Variants in PPAT observed in about 807,000 individuals in gnomAD.
PPAT encodes amidophosphoribosyltransferase.
PPAT carries 20 observed loss-of-function variants against 60.2 expected under a neutral mutation model. The ratio of observed to expected loss-of-function variants is 0.33; its 90% CI spans 0.23 to 0.48. The LOEUF (loss-of-function observed/expected upper bound fraction) is 0.48. Ranked by LOEUF, PPAT falls within the 20% of genes least tolerant of loss-of-function variation. The pLI is 0.99. For synonymous variants in PPAT, 194 were observed against 215.1 expected (o/e 0.90, Z 0.86); for missense variants, 349 against 629.6 (o/e 0.55, Z 4.77).
Position 56,399,356 on chromosome 4 carries a change from T to C in PPAT, c.1059A>G (p.Val353=). Residue 353 remains valine (V), a synonymous_variant, in exon 9 of 11, where the codon GTA becomes GTG. Coordinates refer to ENST00000264220, the MANE Select transcript of PPAT (RefSeq NM_002703.5). ...YVEVLCKNRY[V]GRTFIQPNMR... is the part of the protein sequence containing the mutation. ...TGTTTGGCTGAATGAAGGTTCTCCC[T>C]ACATACCGGTTTTTACACAGCACCT... 1.2e-6 allele frequency: 2 copies of C among 1,613,994 alleles called. No individual in the cohort carries two copies. The highest frequency in any genetic ancestry group is 4.5e-5 in the East Asian group (2 of 44,852).
intron 2 of PPAT, among the ~76,000 whole-genome samples, 165 bp downstream of exon 2, chr4:56,407,485 A>C (rs939989473): frequency 6.6e-6 from 1 of 151,842 alleles, no homozygotes; most frequent in Non-Finnish European, 1.5e-5. Flanking sequence ...CGCCTGGCTA[A>C]TTTTGTATTT....
chr4:56,407,963 C>A (rs1327400298), intron 1 of PPAT: 4 of 388,318 alleles, frequency 1.0e-5, no homozygotes, highest in Non-Finnish European at 1.9e-5. Context: ...TCTGTCCTAG[C>A]ATTTTACGTT....
intron 1 of PPAT, 58 bp downstream of exon 1, chr4:56,435,292 G>C: frequency 6.2e-7 from 1 of 1,605,268 alleles, no homozygotes; most frequent in Non-Finnish European, 8.5e-7. Flanking sequence ...GCCGACTGCG[G>C]GAAGCGGCTC....
intron 1 of PPAT, chr4:56,421,681 A>C (rs1717045015): frequency 6.6e-6 from 1 of 152,254 alleles, no homozygotes; most frequent in South Asian, 2.1e-4. Context: ...AGAAATCTCA[A>C]AATATTTCGC....
At chr4:56,407,915 T>C (rs937439560) in intron 1 of PPAT, among the ~76,000 whole-genome samples, 199 bp from the exon 2 acceptor site, 6 of 152,184 alleles carry the variant, frequency 3.9e-5, no homozygotes, top group Non-Finnish European at 7.3e-5. Flanking sequence ...ATGTAACAAT[T>C]AGATATCTCA....
chr4:56,402,840 AAAAAAAAAG>A (rs1390609844), intron 5 of PPAT, among the ~76,000 whole-genome samples, 191 bp downstream of exon 5: 3,405 of 119,678 alleles, frequency 0.028, 270 homozygotes, highest in African/African-American at 0.1. Context: ...AAAAAAAAAA[AAAAAAAAAG>A]GGGGGGGACT....
At chr4:56,414,989 T>TAA (rs1560644203) in intron 1 of PPAT, among the ~76,000 whole-genome samples, 1 of 152,232 alleles carries the variant, frequency 6.6e-6, no homozygotes, top group Non-Finnish European at 1.5e-5. Context: ...TGATGTGCTT[T>TAA]TGTACTTATG....
chr4:56,418,310 CTTATT>C (rs887545162), intron 1 of PPAT, among the ~76,000 whole-genome samples: 18 of 152,052 alleles, frequency 1.2e-4, no homozygotes, highest in African/African-American at 1.9e-4. Flanking sequence ...TTTTAAAAAA[CTTATT>C]TTATTTTATT....
chr4:56,400,887 T>C lies in PPAT; in HGVS notation c.911A>G (p.Tyr304Cys). 2 of 1,612,550 alleles carry C rather than the reference T, an allele frequency of 1.2e-6. No individual in the cohort carries two copies. The highest frequency in any genetic ancestry group is 1.7e-6 in the Non-Finnish European group (2 of 1,178,570). ...FEDQMVYTVR[Y>C]RCGQQLAIEA... ...AATCGCTAGCTGCTGGCCACAACGG[T>C]ATCTTACTGTATAAACCATTTGGTC... Residue 304 changes from tyrosine (Y) to cysteine (C), a missense_variant, in exon 8 of 11, where the codon TAC (tyrosine) becomes TGC (cysteine). Tyr to Cys is a radical substitution (Grantham distance 194, BLOSUM62 -2). Around this residue, in one of 5 missense-constraint regions of PPAT, gnomAD observed 167 missense variants for 328.6 expected, o/e 0.51. Coordinates refer to ENST00000264220, the MANE Select transcript of PPAT (RefSeq NM_002703.5).
At chr4:56,428,929 TTTTA>T in intron 1 of PPAT, 1 of 911,722 alleles carries the variant, frequency 1.1e-6, no homozygotes, top group South Asian at 5.1e-5. Flanking sequence ...TTTCCTGTGT[TTTTA>T]TTTAAGAATT....
intron 7 of PPAT, 133 bp downstream of exon 7, chr4:56,401,197 T>G (rs964566544): frequency 2.0e-5 from 18 of 899,928 alleles, no homozygotes; most frequent in Non-Finnish European, 2.8e-5. Context: ...ACTTGTGGGC[T>G]CAGTCCTATA....
At chr4:56,413,505 C>A (rs1036986763) in intron 1 of PPAT, among the ~76,000 whole-genome samples, 2 of 152,152 alleles carry the variant, frequency 1.3e-5, no homozygotes, top group Non-Finnish European at 2.9e-5. Context: ...AATAACTGTA[C>A]TTCACTAGCC....
chr4:56,406,821 G>A, intron 2 of PPAT, 120 bp from the exon 3 acceptor site: 1 of 709,864 alleles, frequency 1.4e-6, no homozygotes, highest in Non-Finnish European at 2.3e-6. Flanking sequence ...ATATCTCTGT[G>A]TTTCAGAATT....
rs1427963013 is a variant in PPAT, at chr4:56,394,599, C to T, written c.*753G>A. 1.3e-5 allele frequency: 2 copies of T among 152,086 alleles called. No individual in the cohort carries two copies. Among genetic ancestry groups the T allele is most frequent in the Admixed American group, 6.6e-5 (1 of 15,252 alleles). The allele number at this position is 152,086 out of a possible 1,614,324, so 9.4% of individuals were successfully genotyped here. A position where few individuals can be genotyped will look rare whatever the true frequency, so the allele number is the denominator to read the frequency against. ...AACTTTTTCACAGATTTTTACAACC[C>T]TTTTTAGGACATCTCAAAGAGAGAT... On this transcript the variant is annotated 3_prime_UTR_variant, in exon 11 of 11. Transcript: ENST00000264220.
chr4:56,419,634 G>A (rs2110056631), intron 1 of PPAT: 1 of 978,578 alleles, frequency 1.0e-6, no homozygotes, highest in Middle Eastern at 5.2e-4. Flanking sequence ...GTCAGTATTG[G>A]AACCCTCTAA....
At position 56,395,452 on chromosome 4, in the gene PPAT, A is replaced by C; in HGVS notation, c.1454T>G (p.Ile485Ser). 6.2e-7 allele frequency: 1 copy of C among 1,612,176 alleles called. No homozygotes were observed. The highest frequency in any genetic ancestry group is 8.5e-7 in the Non-Finnish European group (1 of 1,178,890). Residue 485 changes from isoleucine (I) to serine (S), a missense_variant, in exon 11 of 11, where the codon ATT (isoleucine) becomes AGT (serine). Coordinates refer to ENST00000264220, the MANE Select transcript of PPAT (RefSeq NM_002703.5). ...ACCATTTCCATTTTCTTGGATCATA[A>C]TATCGTGCTTTTTCTCTTTCTGTTT... ...FKKQKEKKHD[I>S]MIQENGNGLE...
intron 1 of PPAT, among the ~76,000 whole-genome samples, chr4:56,418,193 G>A (rs1716868440): frequency 6.6e-6 from 1 of 152,262 alleles, no homozygotes. Flanking sequence ...GCGTGTGCCT[G>A]TGGTCCCAGC....
intron 1 of PPAT, among the ~76,000 whole-genome samples, chr4:56,432,567 C>T (rs371145243): frequency 7.4e-5 from 11 of 148,514 alleles, no homozygotes; most frequent in East Asian, 2.0e-4. Flanking sequence ...GGGCAGATCA[C>T]GAGGTCAGGA....
intron 1 of PPAT, chr4:56,425,325 T>C (rs561507494): frequency 4.6e-6 from 1 of 215,212 alleles, no homozygotes; most frequent in East Asian, 1.8e-4. Context: ...TAATGCACTT[T>C]AGTCATATGA....
Sources: gnomAD v4.1 joint callset for allele counts (sites outside exome capture counted in the v4.1 genomes callset) on GRCh38, gnomAD v4.1.1 for gene constraint, gnomAD v4.1.1 regional missense constraint, MANE v1.5 for transcripts, NCBI Gene and HGNC (gene_info 2026-07-23, HGNC 2026-07-21) for gene names.